The following ADGRG5 variants were observed in gnomAD, a reference collection of about 807,000 sequenced individuals.
The protein encoded by ADGRG5 is G protein-coupled receptor 114.
A neutral mutation model predicts 53.2 loss-of-function variants in ADGRG5; 37 were observed. That is an observed-to-expected ratio of 0.70 (90% confidence interval 0.53 to 0.91). The LOEUF is 0.91. Among genes scored for constraint, ADGRG5 ranks in the 40% least tolerant of loss-of-function variants. The probability of loss-of-function intolerance (pLI) is 0.00; values close to 1 mark genes in which losing one functional copy is unlikely to be tolerated. For synonymous variants in ADGRG5, 277 were observed against 290.4 expected (o/e 0.95, Z 0.47); for missense variants, 614 against 675.8 (o/e 0.91, Z 1.01).
chr16:57,543,522 A>G (rs1427142447), intron 1 of ADGRG5, among the ~76,000 whole-genome samples: 2 of 152,036 alleles, frequency 1.3e-5, no homozygotes, highest in Non-Finnish European at 2.9e-5. Flanking sequence ...ATCTCAGGTG[A>G]TCCACCTGCC....
At chr16:57,539,231 C>A (rs1441792966), upstream of ADGRG5, among the ~76,000 whole-genome samples, 1 of 152,126 alleles carries the variant, frequency 6.6e-6, no homozygotes. Flanking sequence ...CACGCAAGGA[C>A]AAAGACTGTA....
chr16:57,562,266 C>T (rs2033022590), intron 2 of ADGRG5, 109 bp downstream of exon 2: 1 of 1,414,314 alleles, frequency 7.1e-7, no homozygotes, highest in African/African-American at 1.4e-5. Flanking sequence ...ACTTAGGCTT[C>T]CTGGGGGCAG....
chr16:57,538,385 G>A (rs1274422458), upstream of ADGRG5, among the ~76,000 whole-genome samples: 1 of 152,106 alleles, frequency 6.6e-6, no homozygotes, highest in Non-Finnish European at 1.5e-5. Context: ...CGGGAGGATC[G>A]CCTGAGGCCG....
intron 1 of ADGRG5, among the ~76,000 whole-genome samples, chr16:57,546,820 G>A (rs2032630545): frequency 6.6e-6 from 1 of 152,162 alleles, no homozygotes; most frequent in South Asian, 2.1e-4. Context: ...CCGGGCTCAA[G>A]TGATCCTCCC....
intron 8 of ADGRG5, 42 bp from the exon 9 acceptor site, chr16:57,567,814 G>C: frequency 1.3e-6 from 2 of 1,583,348 alleles, no homozygotes; most frequent in Non-Finnish European, 1.7e-6. Flanking sequence ...TGCTGCCTGG[G>C]TGATGTCCCT....
intron 5 of ADGRG5, among the ~76,000 whole-genome samples, chr16:57,564,249 G>T (rs564311161): frequency 6.6e-6 from 1 of 152,120 alleles, no homozygotes; most frequent in African/African-American, 2.4e-5. Flanking sequence ...AGACAAGAAG[G>T]CACTTATTAT....
chr16:57,566,430 C>A, intron 6 of ADGRG5, 169 bp from the exon 7 acceptor site: 1 of 521,294 alleles, frequency 1.9e-6, no homozygotes, highest in Non-Finnish European at 3.2e-6. Flanking sequence ...TGAGAGCCCA[C>A]AGTGGAGGTG....
rs2033066401 is a variant in ADGRG5, at chr16:57,563,922, C to T, written c.372C>T (p.Thr124=). Residue 124 remains threonine (T), a synonymous_variant, in exon 5 of 12, where the codon ACC becomes ACT. Coordinates refer to ENST00000349457, the MANE Select transcript of ADGRG5 (RefSeq NM_001304376.3). ...PAELTRDACK[T]RPRELRLICI... ...AGCTGACCCGGGACGCCTGCAAGAC[C>T]CGCCCCAGGGAGCTGCGGCTCATCT... 2.5e-6 allele frequency: 4 copies of T among 1,614,018 alleles called. No homozygotes were observed. The highest frequency in any genetic ancestry group is 1.1e-5 in the South Asian group (1 of 91,088).
At chr16:57,538,117 T>A (rs2032433498), upstream of ADGRG5, among the ~76,000 whole-genome samples, 1 of 152,132 alleles carries the variant, frequency 6.6e-6, no homozygotes, top group Non-Finnish European at 1.5e-5. Context: ...TCAGGCCTTC[T>A]CTCCTTAGGA....
In ADGRG5 at chr16:57,559,798, A is replaced by T. The variant is rs914361907; in HGVS notation, c.-38-2258A>T. ...TGGCTTTCCCATTGTTATGATGGGA[A>T]CAATACTCCCATCTGACTCTCTACT... On this transcript the variant is annotated intron_variant, in intron 1 of 11. Transcript: ENST00000349457. 2.6e-5 allele frequency among the ~76,000 whole-genome samples: 4 copies of T among 152,114 alleles called. No individual in the cohort carries two copies. The South Asian group carries it at 8.3e-4, about 32-fold the overall frequency.
At chr16:57,544,011 A>G (rs1380110770) in intron 1 of ADGRG5, among the ~76,000 whole-genome samples, 4 of 152,242 alleles carry the variant, frequency 2.6e-5, no homozygotes, top group African/African-American at 9.6e-5. Flanking sequence ...CTGGTTATCA[A>G]ATTCTCATCT....
At chr16:57,529,379 A>C in the ADGRG5 span, 16 of 531,912 alleles carry the variant, frequency 3.0e-5, no homozygotes, top group Non-Finnish European at 3.1e-5. This position sits in a 1 kb window ranked among gnomAD's most constrained non-coding sequence, Gnocchi z 4.1. Flanking sequence ...CTCGAAGATC[A>C]GCCGCGCCAA....
At chr16:57,545,132 G>A (rs9931149) in intron 1 of ADGRG5, among the ~76,000 whole-genome samples, 80,823 of 151,898 alleles carry the variant, frequency 0.53, 23,166 homozygotes, top group African/African-American at 0.74. Flanking sequence ...TAAGTAAATA[G>A]CACAGCCAAA....
At chr16:57,569,617 G>A (rs1272377978) in intron 9 of ADGRG5, among the ~76,000 whole-genome samples, 212 of 57,670 alleles carry the variant, frequency 3.7e-3, no homozygotes, top group Middle Eastern at 0.03. Flanking sequence ...CTCTATCATC[G>A]CCATCATCAC....
At chr16:57,530,070 C>G in the ADGRG5 span, among the ~76,000 whole-genome samples, 6 of 152,186 alleles carry the variant, frequency 3.9e-5, no homozygotes, top group Non-Finnish European at 8.8e-5. Flanking sequence ...TAAGGATTTG[C>G]TGAATGAACG....
Position 57,576,711 on chromosome 16 carries a change from C to T in ADGRG5, c.*1173C>T, listed in dbSNP as rs2033526349. Reference sequence around the variant, plus strand: ...GACCCATTTCCTCCAGGAGGAAAGGCAAGACACGCTTACACGGCCATTTGT... The same window carrying T: ...GACCCATTTCCTCCAGGAGGAAAGGTAAGACACGCTTACACGGCCATTTGT... On this transcript the variant is annotated 3_prime_UTR_variant, in exon 12 of 12. Coordinates refer to ENST00000349457, the MANE Select transcript of ADGRG5 (RefSeq NM_001304376.3). 1 of 152,330 alleles carries T rather than the reference C, an allele frequency of 6.6e-6. No homozygotes were observed. The highest frequency in any genetic ancestry group is 1.5e-5 in the Non-Finnish European group (1 of 68,028). The allele number at this position is 152,330 out of a possible 1,614,324, so 9.4% of individuals were successfully genotyped here. A position where few individuals can be genotyped will look rare whatever the true frequency, so the allele number is the denominator to read the frequency against.
chr16:57,544,791 G>C (rs2032577968), intron 1 of ADGRG5, among the ~76,000 whole-genome samples: 1 of 152,000 alleles, frequency 6.6e-6, no homozygotes, highest in African/African-American at 2.4e-5. Context: ...TTGTTTGTTT[G>C]TTTTGTTTTG....
chr16:57,553,546 T>C (rs2032801596), intron 1 of ADGRG5, among the ~76,000 whole-genome samples: 1 of 152,254 alleles, frequency 6.6e-6, no homozygotes, highest in African/African-American at 2.4e-5. Flanking sequence ...TCTATATCTG[T>C]CCTTATGCCA....
At position 57,567,950 on chromosome 16, in the gene ADGRG5, A is replaced by G; in HGVS notation, c.916A>G (p.Met306Val). 1 of 1,613,928 alleles carries G rather than the reference A, an allele frequency of 6.2e-7. No homozygotes were observed. The highest frequency in any genetic ancestry group is 8.5e-7 in the Non-Finnish European group (1 of 1,179,928). Residue 306 changes from methionine to valine, a missense_variant, in exon 9 of 12, where the codon ATG becomes GTG. Coordinates refer to ENST00000349457, the MANE Select transcript of ADGRG5 (RefSeq NM_001304376.3). ...CTTCCTGCTGAGCCCCGCATTCGCA[A>G]TGTCTCCTGTGCCCGGGTCAGCATG... is the stretch of plus-strand genomic sequence containing the variant. Reference protein sequence around the residue: ...IAFLLSPAFAMSPVPGSACTA... With the variant: ...IAFLLSPAFAVSPVPGSACTA...
Sources: gnomAD v4.1 joint callset for allele counts (sites outside exome capture counted in the v4.1 genomes callset) on GRCh38, gnomAD v4.1.1 for gene constraint, Gnocchi (gnomAD v3.1) non-coding constraint, MANE v1.5 for transcripts, NCBI Gene and HGNC (gene_info 2026-07-23, HGNC 2026-07-21) for gene names.